OSBPL9: variants seen among roughly 807,000 people sequenced by gnomAD.
OSBPL9 encodes the protein oxysterol-binding protein-related protein 9.
Under a neutral mutation model 106.6 loss-of-function variants are expected in OSBPL9, and 40 were observed. That is an observed-to-expected ratio of 0.38 (90% confidence interval 0.29 to 0.49). The LOEUF (loss-of-function observed/expected upper bound fraction) is 0.49. OSBPL9 is among the 20% of genes least tolerant of loss of function. The pLI is 0.97. For missense variants in OSBPL9, 609 were observed against 887.2 expected, an observed-to-expected ratio of 0.69 and a Z score of 3.98; for synonymous variants, 269 against 295.4, an observed-to-expected ratio of 0.91 and a Z score of 0.92.
Position 51,760,744 on chromosome 1 carries a change from A to T in OSBPL9, c.637A>T (p.Ile213Phe). 2 of 1,613,954 alleles carry T rather than the reference A, an allele frequency of 1.2e-6. No homozygotes were observed. The highest frequency in any genetic ancestry group is 1.7e-4 in the Middle Eastern group (1 of 6,060). The change falls in exon 10 of 24, where the codon ATC (isoleucine) becomes TTC (phenylalanine). Residue 213 changes from isoleucine to phenylalanine, a missense_variant. Transcript: ENST00000428468. Reference sequence around the variant, plus strand: ...TCAACCTAGTCCTTTGGAACCTGTGATCAGCACAATGCCTTCCCAGACTGT... The same window carrying T: ...TCAACCTAGTCCTTTGGAACCTGTGTTCAGCACAATGCCTTCCCAGACTGT... ...IYQPSPLEPV[I>F]STMPSQTVLP...
intron 4 of OSBPL9, among the ~76,000 whole-genome samples, chr1:51,731,766 AGTCT>A (rs1311454837): frequency 6.9e-6 from 1 of 145,580 alleles, no homozygotes; most frequent in Non-Finnish European, 1.5e-5. Flanking sequence ...ACAGAGCAAG[AGTCT>A]GTCTCAAAAA....
the OSBPL9 span, among the ~76,000 whole-genome samples, chr1:51,571,055 C>T: frequency 1.4e-4 from 21 of 152,126 alleles, no homozygotes; most frequent in African/African-American, 4.1e-4. Context: ...TCCTGACAGG[C>T]GTGAGTCACC....
Position 51,748,394 on chromosome 1 carries a change from C to G in OSBPL9, c.488C>G (p.Thr163Arg). Residue 163 changes from threonine to arginine, a missense_variant, in exon 7 of 24, where the codon ACA becomes AGA. Around this residue, in one of 5 missense-constraint regions of OSBPL9, gnomAD observed 356 missense variants for 505.8 expected, o/e 0.70. Transcript: ENST00000428468. ...RKKIETLKET[T>R]NSMVESIKHC... is the part of the protein sequence containing the mutation. ...AAAATTGAAACTCTCAAAGAGACAA[C>G]AAATGTAAGTTATATGTTTGATACA... 1 of 1,518,280 alleles carries G rather than the reference C, an allele frequency of 6.6e-7. No individual in the cohort carries two copies. Among genetic ancestry groups the G allele is most frequent in the Non-Finnish European group, 8.8e-7 (1 of 1,142,078 alleles). The allele number at this position is 1,518,280 out of a possible 1,614,324, so 94.1% of individuals were successfully genotyped here. A position where few individuals can be genotyped will look rare whatever the true frequency, so the allele number is the denominator to read the frequency against.
In OSBPL9 at chr1:51,787,342, CT is replaced by C. The variant is rs541120914; in HGVS notation, c.2001-8del. On this transcript the variant is annotated splice_polypyrimidine_tract_variant and intron_variant, in intron 22 of 23. Transcript: ENST00000428468. Reference sequence around the variant, plus strand: ...TCAACATTGGCAGCTCCTCTTACCTCTTTGTTTTAGCCTTTGGAAGGATGTC... The same window carrying C: ...TCAACATTGGCAGCTCCTCTTACCTCTTGTTTTAGCCTTTGGAAGGATGTC... The C allele has an allele frequency of 3.1e-6, 5 of 1,613,168 alleles. No homozygotes were observed. Among genetic ancestry groups the C allele is most frequent in the Non-Finnish European group, 4.2e-6 (5 of 1,179,354 alleles).
intron 1 of OSBPL9, among the ~76,000 whole-genome samples, chr1:51,637,019 C>G (rs1645492336): frequency 6.6e-6 from 1 of 152,080 alleles, no homozygotes; most frequent in African/African-American, 2.4e-5. Flanking sequence ...TTACACCCAG[C>G]CTTTGTGGTT....
chr1:51,619,369 T>C (rs993858283), intron 1 of OSBPL9, among the ~76,000 whole-genome samples: 1 of 152,218 alleles, frequency 6.6e-6, no homozygotes, highest in African/African-American at 2.4e-5. Context: ...TCATGTATCC[T>C]TTTTCTGCTT....
chr1:51,765,888 C>G lies in OSBPL9; in HGVS notation c.845C>G (p.Thr282Arg), dbSNP rs61739207. 1 of 1,613,824 alleles carries G rather than the reference C, an allele frequency of 6.2e-7. No individual in the cohort carries two copies. Among genetic ancestry groups the G allele is most frequent in the African/African-American group, 1.3e-5 (1 of 74,904 alleles). ...SPSHVNLSPN[T>R]VPEFSYSSSE... ...AGCCACGTGAACTTGTCTCCAAATA[C>G]AGTCCCAGAGTTCTCTTACTCCAGC... The change falls in exon 12 of 24, where the codon ACA (threonine) becomes AGA (arginine). Residue 282 changes from threonine (T) to arginine (R), a missense_variant. Coordinates refer to ENST00000428468, the MANE Select transcript of OSBPL9 (RefSeq NM_024586.6).
chr1:51,672,673 C>G (rs1039970778), intron 3 of OSBPL9, among the ~76,000 whole-genome samples: 1 of 152,044 alleles, frequency 6.6e-6, no homozygotes, highest in African/African-American at 2.4e-5. Flanking sequence ...ATTAATAGTT[C>G]CTTTTATATT....
intron 1 of OSBPL9, among the ~76,000 whole-genome samples, chr1:51,618,549 G>A (rs1001086251): frequency 6.6e-6 from 1 of 151,758 alleles, no homozygotes; most frequent in African/African-American, 2.4e-5. Context: ...GAAGGATTAA[G>A]GTTGATGAGA....
chr1:51,617,996 T>TTGTGTGTGTGTGTGTGTGTGTGTG (rs58221259), intron 1 of OSBPL9, among the ~76,000 whole-genome samples: 19 of 145,766 alleles, frequency 1.3e-4, no homozygotes, highest in African/African-American at 4.8e-4. Flanking sequence ...TCTTACGTGG[T>TTGTGTGTGTGTGTGTGTGTGTGTG]TGTGTGTGTG....
At chr1:51,613,917 A>T (rs1003574486), upstream of OSBPL9, among the ~76,000 whole-genome samples, 1 of 151,700 alleles carries the variant, frequency 6.6e-6, no homozygotes, top group African/African-American at 2.4e-5. Flanking sequence ...TAATTTTTAA[A>T]TTTTTTGTAG....
upstream of OSBPL9, among the ~76,000 whole-genome samples, chr1:51,574,602 G>C (rs1268688413): frequency 6.6e-6 from 1 of 152,042 alleles, no homozygotes; most frequent in East Asian, 1.9e-4. Flanking sequence ...CTGTGCGACA[G>C]AGCGAGACTC....
intron 1 of OSBPL9, among the ~76,000 whole-genome samples, chr1:51,635,101 C>T (rs552785838): frequency 1.1e-4 from 16 of 152,290 alleles, no homozygotes; most frequent in Admixed American, 9.2e-4. Context: ...TCTTGTTATG[C>T]AGGAGAAATC....
intron 3 of OSBPL9, among the ~76,000 whole-genome samples, chr1:51,679,342 A>G (rs977579754): frequency 3.9e-5 from 6 of 152,226 alleles, no homozygotes; most frequent in East Asian, 3.8e-4. Context: ...CCTGTTTTCC[A>G]TAATTTCTAA....
intron 1 of OSBPL9, among the ~76,000 whole-genome samples, chr1:51,639,766 A>G (rs1435608102): frequency 6.6e-6 from 1 of 151,874 alleles, no homozygotes; most frequent in Non-Finnish European, 1.5e-5. Flanking sequence ...TTAACATTCA[A>G]ATAAATTTAA....
Position 51,760,757 on chromosome 1 carries a change from C to A in OSBPL9, c.650C>A (p.Pro217His), listed in dbSNP as rs1046147692. 3 of 1,613,812 alleles carry A rather than the reference C, an allele frequency of 1.9e-6. No individual in the cohort carries two copies. The highest frequency in any genetic ancestry group is 1.1e-5 in the South Asian group (1 of 91,068). The change falls in exon 10 of 24, where the codon CCT (proline) becomes CAT (histidine). Residue 217 changes from proline to histidine, a missense_variant. Transcript: ENST00000428468. Reference protein sequence around the residue: ...SPLEPVISTMPSQTVLPPEPV... With the variant: ...SPLEPVISTMHSQTVLPPEPV... The stretch of plus-strand genomic sequence containing the variant: ...TTGGAACCTGTGATCAGCACAATGC[C>A]TTCCCAGACTGTGTTACCTCCAGGT...
chr1:51,552,886 G>T, the OSBPL9 span, among the ~76,000 whole-genome samples: 1 of 151,678 alleles, frequency 6.6e-6, no homozygotes, highest in Non-Finnish European at 1.5e-5. Flanking sequence ...GCCTCCCAAA[G>T]TGCTGGGATT....
At chr1:51,575,142 TCTC>T (rs1433581319), upstream of OSBPL9, among the ~76,000 whole-genome samples, 4 of 152,186 alleles carry the variant, frequency 2.6e-5, no homozygotes, top group Non-Finnish European at 4.4e-5. Context: ...TATTTGATCT[TCTC>T]CTTGTAGTTC....
intron 4 of OSBPL9, among the ~76,000 whole-genome samples, chr1:51,733,510 T>C (rs1295315179): frequency 6.6e-6 from 1 of 152,110 alleles, no homozygotes; most frequent in Non-Finnish European, 1.5e-5. Context: ...GTGCGGTGGC[T>C]CACGCTGTAA....
Sources: gnomAD v4.1 joint callset for allele counts (sites outside exome capture counted in the v4.1 genomes callset) on GRCh38, gnomAD v4.1.1 for gene constraint, gnomAD v4.1.1 regional missense constraint, MANE v1.5 for transcripts, NCBI Gene and HGNC (gene_info 2026-07-23, HGNC 2026-07-21) for gene names.